Variants in KCNH7 observed in about 807,000 individuals in gnomAD.
KCNH7 encodes the protein voltage-gated inwardly rectifying potassium channel KCNH7.
A neutral mutation model predicts 120.8 loss-of-function variants in KCNH7; 49 were observed. That is an observed-to-expected ratio of 0.41 (90% CI 0.32 to 0.51). KCNH7 has a LOEUF of 0.51. Ranked by LOEUF, KCNH7 falls within the 20% of genes least tolerant of loss-of-function variation. KCNH7 has a pLI of 0.38. For synonymous variants in KCNH7, 547 were observed against 516.1 expected, an observed-to-expected ratio of 1.06 and a Z score of -0.81; for missense variants, 1,097 against 1,446.6, an observed-to-expected ratio of 0.76 and a Z score of 3.92.
intron 8 of KCNH7, among the ~76,000 whole-genome samples, chr2:162,423,928 A>G (rs918374889): frequency 3.9e-5 from 6 of 152,206 alleles, no homozygotes; most frequent in Non-Finnish European, 7.3e-5. Flanking sequence ...TTAGGGATTT[A>G]AAAACCCTTT....
intron 2 of KCNH7, among the ~76,000 whole-genome samples, chr2:162,830,613 G>C (rs1386068321): frequency 2.0e-5 from 3 of 152,154 alleles, no homozygotes; most frequent in Non-Finnish European, 2.9e-5. Flanking sequence ...TGAATGTAGT[G>C]TTCCTTCAAC....
At chr2:162,393,368 A>G (rs1345380626) in intron 12 of KCNH7, among the ~76,000 whole-genome samples, 4 of 151,984 alleles carry the variant, frequency 2.6e-5, no homozygotes, top group East Asian at 1.9e-4. Context: ...AACATCTCCT[A>G]TGTGAGGATA....
chr2:162,803,430 A>G (rs1387424109), intron 2 of KCNH7, among the ~76,000 whole-genome samples: 3 of 151,640 alleles, frequency 2.0e-5, no homozygotes, highest in Admixed American at 6.6e-5. Context: ...ATTGGATTTA[A>G]CTCTCCAGTC....
At chr2:162,639,613 T>C (rs1020905570) in intron 2 of KCNH7, among the ~76,000 whole-genome samples, 2 of 152,000 alleles carry the variant, frequency 1.3e-5, no homozygotes, top group East Asian at 3.9e-4. Flanking sequence ...AATGACAAAA[T>C]TACAATATCA....
intron 9 of KCNH7, among the ~76,000 whole-genome samples, chr2:162,421,744 T>C (rs1020483062): frequency 2.0e-5 from 3 of 151,894 alleles, no homozygotes; most frequent in African/African-American, 7.3e-5. Context: ...GGTAATAGAG[T>C]CAAACAATGA....
In KCNH7 at chr2:162,504,293, G is replaced by A. The variant is rs16846770; in HGVS notation, c.1128+150C>T. ...ACAGCTTTATTAATCTGTTATATTA[G>A]AGAGTTACCCAACATCTCAAGATAA... On this transcript the variant is annotated intron_variant, in intron 6 of 15. Transcript: ENST00000332142. The A allele has an allele frequency of 8.5e-3, 5,359 of 629,140 alleles. 232 individuals carry two copies. The African/African-American group carries it at 0.088, about 10-fold the overall frequency. 39.0% of individuals were successfully genotyped at this position (629,140 alleles called of 1,614,324 possible).
At chr2:162,611,212 T>C (rs907097408) in intron 2 of KCNH7, among the ~76,000 whole-genome samples, 1 of 152,172 alleles carries the variant, frequency 6.6e-6, no homozygotes. Flanking sequence ...GAGGAGCAAA[T>C]GCTGATTATG....
At chr2:162,639,186 C>T (rs1265645113) in intron 2 of KCNH7, among the ~76,000 whole-genome samples, 2 of 152,104 alleles carry the variant, frequency 1.3e-5, no homozygotes, top group Non-Finnish European at 2.9e-5. Context: ...ACAGGAGAAT[C>T]TTTCATTCGA....
chr2:162,736,831 T>C (rs758100250), intron 2 of KCNH7, among the ~76,000 whole-genome samples: 3 of 152,204 alleles, frequency 2.0e-5, no homozygotes, highest in Non-Finnish European at 4.4e-5. Flanking sequence ...TATGTAGTTA[T>C]CTTTACTGTG....
intron 2 of KCNH7, among the ~76,000 whole-genome samples, chr2:162,815,496 G>A (rs1684885388): frequency 6.6e-6 from 1 of 152,182 alleles, no homozygotes; most frequent in Non-Finnish European, 1.5e-5. Flanking sequence ...GGTTTTAGAT[G>A]TGATTTTGAA....
Position 162,513,271 on chromosome 2 carries a change from CTCCTTCCCTCCTTCCCTCCT to C in KCNH7, c.893-617_893-598del, listed in dbSNP as rs1287714530. Among the ~76,000 whole-genome samples the C allele has an allele frequency of 1.7e-5, 2 of 120,372 alleles. 1 individual carries two copies. The highest frequency in any genetic ancestry group is 5.9e-5 in the African/African-American group (2 of 33,820). The allele number at this position is 120,372 out of a possible 152,430, so 79.0% of individuals were successfully genotyped here. A position where few individuals can be genotyped will look rare whatever the true frequency, so the allele number is the denominator to read the frequency against. On this transcript the variant is annotated intron_variant, in intron 4 of 15. Coordinates refer to ENST00000332142, the MANE Select transcript of KCNH7 (RefSeq NM_033272.4). ...CTTCCCTCTTTCCCTCCTTCCTTCC[CTCCTTCCCTCCTTCCCTCCT>C]TCCTTCCCTCCTTCCCTCCTTCCTT... is the stretch of plus-strand genomic sequence containing the variant.
intron 2 of KCNH7, among the ~76,000 whole-genome samples, chr2:162,789,041 A>G (rs1306883681): frequency 6.6e-6 from 1 of 150,806 alleles, no homozygotes; most frequent in Non-Finnish European, 1.5e-5. Flanking sequence ...AGAATACTGT[A>G]CCTAGCAAAG....
intron 5 of KCNH7, among the ~76,000 whole-genome samples, chr2:162,506,035 T>C (rs938314985): frequency 3.3e-5 from 5 of 152,072 alleles, no homozygotes; most frequent in Admixed American, 2.6e-4. Context: ...TATAAAAGTT[T>C]GAAGTAATCT....
intron 2 of KCNH7, among the ~76,000 whole-genome samples, chr2:162,664,408 G>A (rs772443876): frequency 1.1e-4 from 17 of 152,236 alleles, no homozygotes; most frequent in Non-Finnish European, 2.1e-4. Context: ...GTGCTATGCT[G>A]GATATCTTTT....
At chr2:162,711,250 A>G (rs1372745012) in intron 2 of KCNH7, among the ~76,000 whole-genome samples, 1 of 152,230 alleles carries the variant, frequency 6.6e-6, no homozygotes, top group Non-Finnish European at 1.5e-5. Flanking sequence ...AGATGTTATC[A>G]TCCGGCCTTT....
rs993701673 is a variant in KCNH7 at position 162,469,171 on chromosome 2, G to C, written c.1129-22728C>G. Among the ~76,000 whole-genome samples the C allele has an allele frequency of 4.6e-5, 7 of 152,270 alleles. No homozygotes were observed. The East Asian group carries it at 1.4e-3, about 29-fold the overall frequency. On this transcript the variant is annotated intron_variant, in intron 6 of 15. Transcript: ENST00000332142. ...TTCTTTGTTATAGTACATTTGAAAAGTTAAGGTGGTATGTAATAGCTAAAT... is the reference window on the plus strand; with the variant it reads ...TTCTTTGTTATAGTACATTTGAAAACTTAAGGTGGTATGTAATAGCTAAAT...
At chr2:162,577,119 T>C (rs1026321540) in intron 2 of KCNH7, among the ~76,000 whole-genome samples, 4 of 151,804 alleles carry the variant, frequency 2.6e-5, no homozygotes, top group Admixed American at 1.3e-4. Flanking sequence ...TGGGTCTTGC[T>C]CTGTTGTTCA....
intron 13 of KCNH7, among the ~76,000 whole-genome samples, chr2:162,384,182 A>G (rs2105411272): frequency 6.6e-6 from 1 of 152,140 alleles, no homozygotes; most frequent in East Asian, 1.9e-4. Flanking sequence ...AATAAAAATA[A>G]AAATAAAATA....
At chr2:162,557,998 G>A (rs969722958) in intron 2 of KCNH7, among the ~76,000 whole-genome samples, 1 of 152,140 alleles carries the variant, frequency 6.6e-6, no homozygotes, top group African/African-American at 2.4e-5. Context: ...GTGTGGTAAT[G>A]TAATACATCT....
Sources: allele counts gnomAD v4.1 joint callset (sites outside exome capture counted in the v4.1 genomes callset), GRCh38; gene constraint gnomAD v4.1.1; transcripts MANE v1.5; gene names NCBI Gene and HGNC (gene_info 2026-07-23, HGNC 2026-07-21).